The following USP9X variants were observed in gnomAD, a reference collection of about 807,000 sequenced individuals.
USP9X encodes the protein ubiquitin specific peptidase 9 X-linked.
A neutral mutation model predicts 190.3 loss-of-function variants in USP9X; 7 were observed. The ratio of observed to expected loss-of-function variants is 0.04; its 90% confidence interval spans 0.02 to 0.07. USP9X has a LOEUF of 0.07. Ranked by LOEUF, USP9X falls within the 10% of genes least tolerant of loss-of-function variation. USP9X has a pLI of 1.00. For missense variants in USP9X, 1,010 were observed against 1,916.9 expected (o/e 0.53, Z 8.83); for synonymous variants, 645 against 659.5 (o/e 0.98, Z 0.34).
At chrX:41,175,895 A>ATT (rs142613528) in intron 21 of USP9X, among the ~76,000 whole-genome samples, 5 of 101,875 alleles carry the variant, frequency 4.9e-5, no homozygotes, top group African/African-American at 1.4e-4. Flanking sequence ...TATATTTGTA[A>ATT]TTTTTTTTTT....
At chrX:41,145,292 A>G (rs765382409) in intron 11 of USP9X, among the ~76,000 whole-genome samples, 1 of 112,075 alleles carries the variant, frequency 8.9e-6, no homozygotes, top group Non-Finnish European at 1.9e-5. Flanking sequence ...TGCTATAGCC[A>G]CTTTGGAAAA....
chrX:41,205,488 G>T lies in USP9X; in HGVS notation c.5010G>T (p.Gln1670His), dbSNP rs764802301. ...ATGTGCCCAGAGGATTTTGGAAACA[G>T]TTCAGGTAAACTATGGATGGACAGT... The part of the protein sequence containing the change: ...QYYVPRGFWK[Q>H]FRLWGEPVNL... The change falls in exon 32 of 45, where the codon CAG becomes CAT. Residue 1670 changes from glutamine (Q) to histidine (H), a missense_variant. Around this residue, in one of 11 missense-constraint regions of USP9X, gnomAD observed 120 missense variants for 342.7 expected, o/e 0.35. Transcript: ENST00000378308. 3.3e-6 allele frequency: 4 copies of T among 1,204,923 alleles called. No homozygotes were observed. The highest frequency in any genetic ancestry group is 3.4e-6 in the Non-Finnish European group (3 of 891,580).
At chrX:41,204,082 A>G (rs1305555213) in intron 31 of USP9X, among the ~76,000 whole-genome samples, 1 of 111,670 alleles carries the variant, frequency 9.0e-6, no homozygotes, top group Non-Finnish European at 1.9e-5. Flanking sequence ...ATTTCTCCAT[A>G]TCCTTGCCAA....
At chrX:41,230,336 G>GTT (rs11348635) in intron 43 of USP9X, among the ~76,000 whole-genome samples, 165 bp from the exon 44 acceptor site, 2 of 95,844 alleles carry the variant, frequency 2.1e-5, no homozygotes, top group Non-Finnish European at 4.2e-5. Context: ...TTTTTGTTTT[G>GTT]TTTTTTTTTT....
intron 26 of USP9X, among the ~76,000 whole-genome samples, chrX:41,191,847 G>A (rs765610530): frequency 4.5e-5 from 5 of 112,131 alleles, no homozygotes; most frequent in African/African-American, 6.5e-5. Flanking sequence ...TGAAGGTTTT[G>A]TGCAGGATGT....
intron 5 of USP9X, among the ~76,000 whole-genome samples, chrX:41,135,201 G>T (rs2062360999): frequency 9.0e-6 from 1 of 110,729 alleles, no homozygotes; most frequent in Non-Finnish European, 1.9e-5. Context: ...TTTCATATAC[G>T]TCTGGGACAC....
At chrX:41,099,096 G>GTTTTTTTTTTTTTTTTTTTTTTTTT (rs34179321) in intron 1 of USP9X, among the ~76,000 whole-genome samples, 1 of 44,266 alleles carries the variant, frequency 2.3e-5, no homozygotes, top group African/African-American at 1.0e-4. Context: ...CCAGATAATT[G>GTTTTTTTTTTTTTTTTTTTTTTTTT]TTTTTTTTTT....
chrX:41,218,320 T>C lies in USP9X; in HGVS notation c.6210-52T>C, dbSNP rs371891958. 7.4e-5 allele frequency: 84 copies of C among 1,138,610 alleles called. No homozygotes were observed. The African/African-American group carries it at 1.3e-3, about 17-fold the overall frequency. 93.8% of individuals were successfully genotyped at this position (1,138,610 alleles called of 1,213,427 possible). ...TTCAATGAGACTCATCCTTTTACTA[T>C]AGAGAACAAGTTATTGACTTAATAG... On this transcript the variant is annotated intron_variant, in intron 36 of 44. Coordinates refer to ENST00000378308, the MANE Select transcript of USP9X (RefSeq NM_001039591.3).
At chrX:41,101,444 G>A (rs2062033244) in intron 1 of USP9X, among the ~76,000 whole-genome samples, 1 of 110,088 alleles carries the variant, frequency 9.1e-6, no homozygotes, top group Non-Finnish European at 1.9e-5. Context: ...AAAATTAGCC[G>A]GGTGTGGTGG....
At chrX:41,116,022 T>C (rs2062145776) in intron 1 of USP9X, among the ~76,000 whole-genome samples, 1 of 112,028 alleles carries the variant, frequency 8.9e-6, no homozygotes, top group African/African-American at 3.2e-5. Flanking sequence ...AATGGTTTGC[T>C]GTTTATGGAG....
intron 30 of USP9X, among the ~76,000 whole-genome samples, chrX:41,199,779 C>T (rs2063026131): frequency 9.0e-6 from 1 of 111,506 alleles, no homozygotes. Context: ...CAGGTCTTCA[C>T]TTAGAAGTTC....
chrX:41,196,164 C>T, intron 26 of USP9X, 87 bp from the exon 27 acceptor site: 1 of 1,054,071 alleles, frequency 9.5e-7, no homozygotes. Flanking sequence ...ATACTCCCCC[C>T]ACCTCTCCTC....
intron 18 of USP9X, among the ~76,000 whole-genome samples, chrX:41,169,405 C>T (rs751238149): frequency 1.8e-5 from 2 of 111,969 alleles, no homozygotes; most frequent in Non-Finnish European, 3.8e-5. Flanking sequence ...AGACTAACAA[C>T]AATAGAATAT....
chrX:41,220,591 C>G lies in USP9X; in HGVS notation c.6565+1360C>G, dbSNP rs184467920. On this transcript the variant is annotated intron_variant, in intron 38 of 44. Coordinates refer to ENST00000378308, the MANE Select transcript of USP9X (RefSeq NM_001039591.3). Reference sequence around the variant, plus strand: ...TTTATACTGAAGGGAGAAATAAAGACTATAAGTAGCCTTTAGTCAGTTTGG... The same window carrying G: ...TTTATACTGAAGGGAGAAATAAAGAGTATAAGTAGCCTTTAGTCAGTTTGG... Among the ~76,000 whole-genome samples the G allele has an allele frequency of 9.8e-5, 11 of 112,461 alleles. No individual in the cohort carries two copies. In the Admixed American group the frequency reaches 1.0e-3, roughly 11 times the overall value.
chrX:41,127,177 A>G (rs2062262895), intron 2 of USP9X, among the ~76,000 whole-genome samples: 1 of 112,232 alleles, frequency 8.9e-6, no homozygotes, highest in Non-Finnish European at 1.9e-5. Context: ...AACATTAATT[A>G]CAGCTATGTT....
chrX:41,196,324 C>T lies in USP9X; in HGVS notation c.4051C>T (p.Leu1351Phe). ...ATGTTGCATGGGACACCGGCCTCTA[C>T]TTTTCTTCATTACTCTACTCTTTAC... ...TRCCMGHRPL[L>F]FFITLLFTVL... The change falls in exon 27 of 45, where the codon CTT (leucine) becomes TTT (phenylalanine). Residue 1351 changes from leucine (L) to phenylalanine (F), a missense_variant. Leu to Phe is a conservative substitution (Grantham distance 22, BLOSUM62 0). Around this residue, in one of 11 missense-constraint regions of USP9X, gnomAD observed 351 missense variants for 480.8 expected, o/e 0.73. Transcript: ENST00000378308. The T allele has an allele frequency of 1.7e-6, 2 of 1,211,912 alleles. No homozygotes were observed. Among genetic ancestry groups the T allele is most frequent in the Non-Finnish European group, 2.2e-6 (2 of 895,475 alleles).
intron 6 of USP9X, among the ~76,000 whole-genome samples, chrX:41,139,454 A>G (rs1015738246): frequency 8.9e-6 from 1 of 112,400 alleles, no homozygotes. Flanking sequence ...TGAAGTCAGG[A>G]GTTCAAGACC....
intron 21 of USP9X, among the ~76,000 whole-genome samples, chrX:41,181,677 G>C (rs2062828513): frequency 9.2e-6 from 1 of 109,067 alleles, no homozygotes; most frequent in South Asian, 4.0e-4. Context: ...TTGAACTCCT[G>C]ACCTCAAGTG....
chrX:41,130,216 A>G (rs1048236109), intron 3 of USP9X, among the ~76,000 whole-genome samples: 1 of 111,303 alleles, frequency 9.0e-6, no homozygotes, highest in Admixed American at 9.6e-5. Flanking sequence ...GTTTTTAATT[A>G]TATATTTATA....
Sources: allele counts gnomAD v4.1 joint callset (sites outside exome capture counted in the v4.1 genomes callset), GRCh38; gene constraint gnomAD v4.1.1; regional missense constraint gnomAD v4.1.1; transcripts MANE v1.5; gene names NCBI Gene and HGNC (gene_info 2026-07-23, HGNC 2026-07-21).